CEP76: variants seen among roughly 807,000 people sequenced by gnomAD.
CEP76 encodes the protein centrosomal protein of 76 kDa.
Under a neutral mutation model 83.3 loss-of-function variants are expected in CEP76, and 55 were observed. The observed-to-expected ratio is 0.66, with a 90% CI of 0.53 to 0.83. The LOEUF (loss-of-function observed/expected upper bound fraction) is 0.83. Among genes scored for constraint, CEP76 ranks in the 40% least tolerant of loss-of-function variants. CEP76 has a pLI of 0.00. For synonymous variants in CEP76, 270 were observed against 274.5 expected (o/e 0.98, Z 0.16); for missense variants, 694 against 799.5 (o/e 0.87, Z 1.59).
At chr18:12,695,885 C>CACACACACAA (rs557125479) in intron 5 of CEP76, among the ~76,000 whole-genome samples, 7 of 149,746 alleles carry the variant, frequency 4.7e-5, no homozygotes, top group South Asian at 2.1e-4. Flanking sequence ...CACACACACA[C>CACACACACAA]TAAAAATTAG....
chr18:12,678,253 C>T lies in CEP76; in HGVS notation c.1479G>A (p.Glu493=), dbSNP rs760740251. The stretch of plus-strand genomic sequence containing the variant: ...GAGCACACACAGATTTAATTGCTTC[C>T]TCACTCATGGGTTTCCATTTGGATT... ...NDESKWKPMS[E]EAIKSVCAPG... is the part of the protein sequence containing the mutation. The change falls in exon 10 of 12, where the codon GAG becomes GAA. Residue 493 remains glutamate (E), a synonymous_variant. Transcript: ENST00000262127. 2 of 1,614,164 alleles carry T rather than the reference C, an allele frequency of 1.2e-6. No homozygotes were observed. Among genetic ancestry groups the T allele is most frequent in the South Asian group, 2.2e-5 (2 of 91,078 alleles).
chr18:12,669,358 C>T (rs909711447), downstream of CEP76, among the ~76,000 whole-genome samples: 4 of 151,880 alleles, frequency 2.6e-5, no homozygotes, highest in Non-Finnish European at 2.9e-5. Context: ...GTGATCCGCC[C>T]GCCTTGGCCT....
Position 12,702,544 on chromosome 18 carries a change from G to A in CEP76, c.5C>T (p.Ser2Leu). The A allele has an allele frequency of 6.2e-7, 1 of 1,603,104 alleles. No individual in the cohort carries two copies. ...CTCGGAGGCTTTCTCCGGAGGCAGC[G>A]ACATGCTGGCAGCCGGCGTCTCCCC... Reference protein sequence around the residue: MSLPPEKASELK... With the variant: MLLPPEKASELK... Residue 2 changes from serine (S) to leucine (L), a missense_variant, in exon 1 of 12, where the codon TCG becomes TTG. Physicochemically the swap from Ser to Leu is moderately radical, Grantham distance 145. Transcript: ENST00000262127.
chr18:12,696,736 G>A (rs1241875864), intron 5 of CEP76, among the ~76,000 whole-genome samples: 1 of 152,020 alleles, frequency 6.6e-6, no homozygotes, highest in African/African-American at 2.4e-5. Context: ...TGCCCTCAAG[G>A]ACTAGTTGAT....
At chr18:12,687,651 G>A (rs953498206) in intron 7 of CEP76, among the ~76,000 whole-genome samples, 1 of 151,294 alleles carries the variant, frequency 6.6e-6, no homozygotes, top group Non-Finnish European at 1.5e-5. Flanking sequence ...GGGGTTTCAC[G>A]ATGTTGACCA....
chr18:12,680,393 C>G (rs62096020), intron 9 of CEP76, among the ~76,000 whole-genome samples: 1 of 151,836 alleles, frequency 6.6e-6, no homozygotes, highest in African/African-American at 2.4e-5. Context: ...GTCAGGAGTT[C>G]GAGACCAGCC....
intron 1 of CEP76, 76 bp downstream of exon 1, chr18:12,702,410 C>A (rs778009976): frequency 2.9e-5 from 33 of 1,156,846 alleles, no homozygotes; most frequent in Non-Finnish European, 4.1e-5. Context: ...ATGCCGCTGT[C>A]GGCCCGGGGC....
Position 12,673,072 on chromosome 18 carries a change from T to C in CEP76, c.*293A>G. On this transcript the variant is annotated 3_prime_UTR_variant, in exon 12 of 12. Coordinates refer to ENST00000262127, the MANE Select transcript of CEP76 (RefSeq NM_024899.4). ...TTGTGTAAAGAAAACTGAATGCATT[T>C]TATATTAATATTTAAACTACTGATA... 9.9e-7 allele frequency: 1 copy of C among 1,013,828 alleles called. No homozygotes were observed. The highest frequency in any genetic ancestry group is 1.2e-6 in the Non-Finnish European group (1 of 840,850). The allele number at this position is 1,013,828 out of a possible 1,614,324, so 62.8% of individuals were successfully genotyped here.
In CEP76 at chr18:12,702,488, T is replaced by G; in HGVS notation, c.61A>C (p.Lys21Gln). 6.2e-7 allele frequency: 1 copy of G among 1,607,934 alleles called. No individual in the cohort carries two copies. Among genetic ancestry groups the G allele is most frequent in the South Asian group, 1.1e-5 (1 of 90,266 alleles). ...LKQLIHQQLS[K>Q]MDVHGRIREI... ...CTCCCAGCACCCGCGACTCTCACCT[T>G]GCTCAGCTGCTGGTGGATGAGCTGC... Residue 21 changes from lysine to glutamine, a missense_variant and splice_region_variant, in exon 1 of 12, where the codon AAG becomes CAG. Lys to Gln is a moderately conservative substitution (Grantham distance 53). Coordinates refer to ENST00000262127, the MANE Select transcript of CEP76 (RefSeq NM_024899.4).
chr18:12,680,951 C>T, intron 8 of CEP76, 123 bp from the exon 9 acceptor site: 1 of 879,404 alleles, frequency 1.1e-6, no homozygotes, highest in Non-Finnish European at 1.7e-6. Flanking sequence ...GTAATCCCAA[C>T]ACTTTGGGAG....
chr18:12,682,144 G>A (rs781161328), intron 8 of CEP76, among the ~76,000 whole-genome samples: 1 of 152,128 alleles, frequency 6.6e-6, no homozygotes, highest in Non-Finnish European at 1.5e-5. Flanking sequence ...TGAGTTGAGT[G>A]TCCGAATGAA....
chr18:12,673,634 C>G, intron 11 of CEP76, 131 bp from the exon 12 acceptor site: 1 of 613,116 alleles, frequency 1.6e-6, no homozygotes, highest in East Asian at 3.9e-5. Flanking sequence ...AATCCCAGCA[C>G]TTTGGGAGGC....
chr18:12,671,357 G>A (rs1568006891), downstream of CEP76, among the ~76,000 whole-genome samples: 1 of 151,918 alleles, frequency 6.6e-6, no homozygotes. Flanking sequence ...ATAGCCAACT[G>A]GTATAGAGTT....
rs189208633 is a variant in CEP76 at position 12,674,422 on chromosome 18, G to T, written c.1841+114C>A. The T allele has an allele frequency of 4.6e-4, 331 of 719,570 alleles. 1 individual carries two copies. In the African/African-American group the frequency reaches 5.7e-3, roughly 12 times the overall value. The allele number at this position is 719,570 out of a possible 1,614,324, so 44.6% of individuals were successfully genotyped here. A position where few individuals can be genotyped will look rare whatever the true frequency, so the allele number is the denominator to read the frequency against. ...GTGCCACTGTACTCCAGCATGGGCA[G>T]CAGAGCAAGACCTTGAGTTAAAAAA... On this transcript the variant is annotated intron_variant, in intron 11 of 11. Coordinates refer to ENST00000262127, the MANE Select transcript of CEP76 (RefSeq NM_024899.4).
At chr18:12,687,454 ATTTTTTT>A (rs1259960536) in intron 7 of CEP76, among the ~76,000 whole-genome samples, 1 of 140,736 alleles carries the variant, frequency 7.1e-6, no homozygotes, top group African/African-American at 2.6e-5. Flanking sequence ...GAAGGCATCA[ATTTTTTT>A]TTTTTTTTTT....
chr18:12,665,663 A>G (rs12963505), intron 12 of CEP76, among the ~76,000 whole-genome samples: 1 of 152,104 alleles, frequency 6.6e-6, no homozygotes, highest in Non-Finnish European at 1.5e-5. Flanking sequence ...ACCTAAATTT[A>G]TAAGAGAATG....
chr18:12,699,103 A>G lies in CEP76; in HGVS notation c.396T>C (p.Val132=). 1 of 1,614,158 alleles carries G rather than the reference A, an allele frequency of 6.2e-7. No homozygotes were observed. The change falls in exon 4 of 12, where the codon GTT becomes GTC. Residue 132 remains valine (V), a synonymous_variant. Coordinates refer to ENST00000262127, the MANE Select transcript of CEP76 (RefSeq NM_024899.4). The part of the protein sequence containing the change: ...LQEPEPLPGQ[V]CSTFTLCLHY... ...GTAAACATAAAGTAAACGTTGAACA[A>G]ACTTGTCCAGGTAAAGGCTCAGGTT...
intron 12 of CEP76, among the ~76,000 whole-genome samples, chr18:12,663,982 T>C (rs1400613433): frequency 6.6e-6 from 1 of 152,110 alleles, no homozygotes; most frequent in African/African-American, 2.4e-5. Flanking sequence ...CTGACCAACA[T>C]GGAGAAACCC....
At chr18:12,685,469 A>G (rs2039508880) in intron 8 of CEP76, 1 of 152,140 alleles carries the variant, frequency 6.6e-6, no homozygotes, top group African/African-American at 2.4e-5. Flanking sequence ...TAAATAAGAA[A>G]CTACATGAGA....
Sources: allele counts gnomAD v4.1 joint callset (sites outside exome capture counted in the v4.1 genomes callset), GRCh38; gene constraint gnomAD v4.1.1; transcripts MANE v1.5; gene names NCBI Gene and HGNC (gene_info 2026-07-23, HGNC 2026-07-21).